The following ZNF91 variants were observed in gnomAD, a reference collection of about 807,000 sequenced individuals.
The protein encoded by ZNF91 is zinc finger protein 91 (HPF7, HTF10).
Under a neutral mutation model 12.6 loss-of-function variants are expected in ZNF91, and 7 were observed. That is an observed-to-expected ratio of 0.55 (90% CI 0.31 to 1.04). The LOEUF (loss-of-function observed/expected upper bound fraction) is 1.04, where lower values mean the gene tolerates loss of function less well. ZNF91 is among the 50% of genes least tolerant of loss of function. The pLI is 0.05. For synonymous variants in ZNF91, 453 were observed against 462.6 expected, an observed-to-expected ratio of 0.98 and a Z score of 0.27; for missense variants, 1,217 against 1,385.4, an observed-to-expected ratio of 0.88 and a Z score of 1.93.
chr19:23,310,220 G>A (rs570865931), intron 1 of ZNF91, among the ~76,000 whole-genome samples: 88 of 152,124 alleles, frequency 5.8e-4, no homozygotes, highest in Non-Finnish European at 1.1e-3. Context: ...TCTTAACATG[G>A]CCCTGAACAA....
In ZNF91 at chr19:23,360,293, T is replaced by C. The variant is rs296093; in HGVS notation, c.2686A>G (p.Thr896Ala). The change falls in exon 4 of 4, where the codon ACC becomes GCC. Residue 896 changes from threonine to alanine, a missense_variant. Around this residue, in one of 2 missense-constraint regions of ZNF91, gnomAD observed 491 missense variants for 489.8 expected, o/e 1.00. Transcript: ENST00000300619. ...TGAATTCTCTTATGTTCAGTAAGGG[T>C]TGAGGACCAGATAAATGCTTTGTCA... ...ECDKAFIWSS[T>A]LTEHKRIHTR... 112,761 of 1,613,940 alleles carry C rather than the reference T, an allele frequency of 0.07. 6,811 individuals carry two copies. The highest frequency in any genetic ancestry group is 0.32 in the East Asian group (14,386 of 44,820).
intron 1 of ZNF91, among the ~76,000 whole-genome samples, chr19:23,309,293 A>G (rs1387210715): frequency 6.6e-6 from 1 of 152,102 alleles, no homozygotes; most frequent in East Asian, 1.9e-4. Flanking sequence ...CTTTGCACCC[A>G]TCACCTAATA....
At chr19:23,384,105 T>C (rs533616298) in intron 1 of ZNF91, among the ~76,000 whole-genome samples, 48 of 151,736 alleles carry the variant, frequency 3.2e-4, no homozygotes, top group African/African-American at 1.2e-3. Flanking sequence ...CAAAACTCCA[T>C]CTAAAAAAAA....
chr19:23,313,987 C>T (rs1411090452), upstream of ZNF91, among the ~76,000 whole-genome samples: 4 of 152,158 alleles, frequency 2.6e-5, no homozygotes, highest in East Asian at 7.7e-4. Context: ...CTCTGATTAT[C>T]ACATACACTT....
intron 1 of ZNF91, among the ~76,000 whole-genome samples, chr19:23,392,396 C>CAAAAAAAAAAAAAAAAAAA (rs71163502): frequency 2.8e-5 from 2 of 70,406 alleles, no homozygotes; most frequent in African/African-American, 5.1e-5. Context: ...AACTCCATCT[C>CAAAAAAAAAAAAAAAAAAA]AAAAAAAAAA....
At chr19:23,373,683 C>CT in intron 3 of ZNF91, 59 bp downstream of exon 3, 1 of 1,382,336 alleles carries the variant, frequency 7.2e-7, no homozygotes, top group Non-Finnish European at 1.0e-6. Flanking sequence ...TAAAGACCTG[C>CT]TTTCTTCTTG....
At chr19:23,384,612 G>A (rs913697897) in intron 1 of ZNF91, 1 of 816,580 alleles carries the variant, frequency 1.2e-6, no homozygotes, top group Non-Finnish European at 1.7e-6. Context: ...TCTGTCTCCC[G>A]ATATCATCAG....
intron 1 of ZNF91, among the ~76,000 whole-genome samples, chr19:23,378,638 AAAT>A (rs1969589739): frequency 6.6e-6 from 1 of 152,192 alleles, no homozygotes; most frequent in Non-Finnish European, 1.5e-5. Flanking sequence ...TAAAAAATAC[AAAT>A]AATAACTTTT....
At chr19:23,327,848 A>G (rs1309573341) in intron 1 of ZNF91, 1 of 152,212 alleles carries the variant, frequency 6.6e-6, no homozygotes, top group African/African-American at 2.4e-5. Context: ...CAAAGTTTTA[A>G]ACCAAGAGTA....
At chr19:23,375,019 G>A (rs967715251) in intron 1 of ZNF91, among the ~76,000 whole-genome samples, 3 of 152,004 alleles carry the variant, frequency 2.0e-5, no homozygotes, top group African/African-American at 4.8e-5. Flanking sequence ...GTAAAATTGA[G>A]GGCATAAATA....
chr19:23,346,569 A>C (rs73926126), intron 3 of ZNF91, among the ~76,000 whole-genome samples: 13,883 of 152,144 alleles, frequency 0.091, 846 homozygotes, highest in African/African-American at 0.17. Flanking sequence ...ATACCAACGT[A>C]GACCCAGCTA....
intron 1 of ZNF91, among the ~76,000 whole-genome samples, chr19:23,319,933 C>T (rs1967651099): frequency 6.6e-6 from 1 of 152,180 alleles, no homozygotes; most frequent in Non-Finnish European, 1.5e-5. Flanking sequence ...TGGGTGTCCT[C>T]TTTGTACAAA....
intron 3 of ZNF91, among the ~76,000 whole-genome samples, chr19:23,351,338 A>G (rs1315677801): frequency 1.3e-5 from 2 of 151,956 alleles, no homozygotes; most frequent in Non-Finnish European, 2.9e-5. Flanking sequence ...AAAGAAAAAA[A>G]AAAAAAAGAA....
At chr19:23,323,070 GT>G (rs970551273) in intron 1 of ZNF91, among the ~76,000 whole-genome samples, 1 of 117,416 alleles carries the variant, frequency 8.5e-6, no homozygotes, top group African/African-American at 3.3e-5. Flanking sequence ...TCATCCTCCC[GT>G]TTTTTTCTTT....
chr19:23,384,934 C>T lies in ZNF91; in HGVS notation c.31-10170G>A, dbSNP rs147491783. 879 of 808,746 alleles carry T rather than the reference C, an allele frequency of 1.1e-3. 4 individuals are homozygous for T. The African/African-American group carries it at 0.012, about 11-fold the overall frequency. The allele number at this position is 808,746 out of a possible 1,614,324, so 50.1% of individuals were successfully genotyped here. On this transcript the variant is annotated intron_variant, in intron 1 of 3. Transcript: ENST00000300619. ...CTTTAATTCCAAACAGGAGTCCTTT[C>T]GGCCAGCAAAGTTGCCAAGGCTTAG...
chr19:23,319,403 T>C (rs1381677616), intron 1 of ZNF91, among the ~76,000 whole-genome samples: 1 of 152,236 alleles, frequency 6.6e-6, no homozygotes, highest in African/African-American at 2.4e-5. Context: ...CTGCCTGGGC[T>C]CTGCTAAAGA....
chr19:23,347,917 A>T (rs1968270699), intron 3 of ZNF91, among the ~76,000 whole-genome samples: 1 of 152,192 alleles, frequency 6.6e-6, no homozygotes, highest in African/African-American at 2.4e-5. Flanking sequence ...CTGGGTGAGC[A>T]GAAGCATTCC....
chr19:23,306,535 T>C (rs1967401783), intron 3 of ZNF91, among the ~76,000 whole-genome samples: 1 of 152,126 alleles, frequency 6.6e-6, no homozygotes, highest in Non-Finnish European at 1.5e-5. Flanking sequence ...TTTCAACATA[T>C]AACTGAGCCC....
chr19:23,339,520 C>G (rs76591518), intron 3 of ZNF91: 1 of 152,116 alleles, frequency 6.6e-6, no homozygotes, highest in Non-Finnish European at 1.5e-5. Context: ...CAAAATTATA[C>G]GAACTACCTA....
Sources: gnomAD v4.1 joint callset for allele counts (sites outside exome capture counted in the v4.1 genomes callset) on GRCh38, gnomAD v4.1.1 for gene constraint, gnomAD v4.1.1 regional missense constraint, MANE v1.5 for transcripts, NCBI Gene and HGNC (gene_info 2026-07-23, HGNC 2026-07-21) for gene names.